The following PTGFRN variants were observed in gnomAD, a reference collection of about 807,000 sequenced individuals.
PTGFRN encodes the protein prostaglandin F2 receptor inhibitor, also known as prostaglandin F2 receptor negative regulator.
In PTGFRN, 35 loss-of-function variants were observed where a neutral mutation model predicts 83.2. The ratio of observed to expected loss-of-function variants is 0.42; its 90% CI spans 0.32 to 0.56. The LOEUF is 0.56. Ranked by LOEUF, PTGFRN falls within the 20% of genes least tolerant of loss-of-function variation. The pLI is 0.11. For synonymous variants in PTGFRN, 519 were observed against 498.6 expected (o/e 1.04, Z -0.55); for missense variants, 1,051 against 1,179.5 (o/e 0.89, Z 1.60).
chr1:116,939,756 C>T (rs900240731), intron 1 of PTGFRN, among the ~76,000 whole-genome samples: 4 of 152,198 alleles, frequency 2.6e-5, no homozygotes, highest in African/African-American at 9.7e-5. Context: ...TGCTCTGCTT[C>T]CCTTATAAAA....
At position 116,944,883 on chromosome 1, in the gene PTGFRN, G is replaced by C; in HGVS notation, c.623G>C (p.Gly208Ala). Residue 208 changes from glycine to alanine, a missense_variant, in exon 3 of 9, where the codon GGC becomes GCC. Gly to Ala is a moderately conservative substitution (Grantham distance 60). Coordinates refer to ENST00000393203, the MANE Select transcript of PTGFRN (RefSeq NM_020440.4). ...ACCCACGAGGGCAGGTTCCACCCGG[G>C]CCTGGGGTACGAGCAGCGCTACCAC... Reference protein sequence around the residue: ...ALTHEGRFHPGLGYEQRYHSG... With the variant: ...ALTHEGRFHPALGYEQRYHSG... 6.2e-7 allele frequency: 1 copy of C among 1,609,874 alleles called. No homozygotes were observed. The highest frequency in any genetic ancestry group is 8.5e-7 in the Non-Finnish European group (1 of 1,179,128).
Position 116,967,337 on chromosome 1 carries a change from A to C in PTGFRN, c.2059+7A>C. The C allele has an allele frequency of 6.2e-7, 1 of 1,604,266 alleles. No homozygotes were observed. The highest frequency in any genetic ancestry group is 1.3e-5 in the African/African-American group (1 of 74,794). Reference sequence around the variant, plus strand: ...ATAGACTTCCAAACCTCAGGTGAGCAGTGAGCCCTGTTGAATCATAGGTGG... The same window carrying C: ...ATAGACTTCCAAACCTCAGGTGAGCCGTGAGCCCTGTTGAATCATAGGTGG... On this transcript the variant is annotated splice_region_variant and intron_variant, in intron 6 of 8. Coordinates refer to ENST00000393203, the MANE Select transcript of PTGFRN (RefSeq NM_020440.4).
At chr1:116,947,732 C>T (rs1486485936) in intron 3 of PTGFRN, among the ~76,000 whole-genome samples, 1 of 152,176 alleles carries the variant, frequency 6.6e-6, no homozygotes, top group African/African-American at 2.4e-5. Context: ...GGTTTCTGGC[C>T]ACAAGCTTTG....
rs1290134165 is a variant in PTGFRN, at chr1:116,966,980, C to T, written c.1709C>T (p.Thr570Ile). 2 of 1,613,796 alleles carry T rather than the reference C, an allele frequency of 1.2e-6. No homozygotes were observed. The highest frequency in any genetic ancestry group is 2.7e-5 in the African/African-American group (2 of 74,918). ...FFAAGNTFEMTCKVSSKNIKS... is the reference protein window; with the variant it reads ...FFAAGNTFEMICKVSSKNIKS... ...GCTGCCGGAAATACATTTGAGATGA[C>T]TTGCAAAGTATCTTCCAAGAATATT... is the stretch of plus-strand genomic sequence containing the variant. The change falls in exon 6 of 9, where the codon ACT becomes ATT. Residue 570 changes from threonine (T) to isoleucine (I), a missense_variant. Thr to Ile is a moderately conservative substitution (Grantham distance 89). Coordinates refer to ENST00000393203, the MANE Select transcript of PTGFRN (RefSeq NM_020440.4).
intron 1 of PTGFRN, among the ~76,000 whole-genome samples, chr1:116,924,632 T>G (rs1339987487): frequency 6.6e-6 from 1 of 152,208 alleles, no homozygotes; most frequent in Non-Finnish European, 1.5e-5. Context: ...GGTCCCTTGA[T>G]TGACGCTGTG....
intron 4 of PTGFRN, among the ~76,000 whole-genome samples, chr1:116,955,005 G>T (rs949416171): frequency 6.6e-6 from 1 of 152,182 alleles, no homozygotes; most frequent in Non-Finnish European, 1.5e-5. Context: ...GTAAAAGGAG[G>T]TATTTTGTAT....
intron 4 of PTGFRN, among the ~76,000 whole-genome samples, chr1:116,953,669 G>A (rs1161456734): frequency 1.3e-5 from 2 of 151,788 alleles, no homozygotes; most frequent in African/African-American, 4.8e-5. Context: ...GGGCATGGAG[G>A]AGCCCAGCAT....
At chr1:116,945,508 T>C (rs1240453699) in intron 3 of PTGFRN, among the ~76,000 whole-genome samples, 4 of 152,200 alleles carry the variant, frequency 2.6e-5, no homozygotes, top group Non-Finnish European at 5.9e-5. Context: ...CCTGAGTCCT[T>C]TGACGTGCCT....
At chr1:116,926,859 G>A (rs1313304905) in intron 1 of PTGFRN, among the ~76,000 whole-genome samples, 1 of 152,166 alleles carries the variant, frequency 6.6e-6, no homozygotes, top group Non-Finnish European at 1.5e-5. Context: ...AGTTGGAGAA[G>A]TGAAGGCCTA....
intron 7 of PTGFRN, among the ~76,000 whole-genome samples, chr1:116,980,380 T>C (rs186509557): frequency 6.6e-6 from 1 of 152,322 alleles, no homozygotes; most frequent in East Asian, 1.9e-4. Flanking sequence ...GGATTATAAA[T>C]AAATCTGCTA....
chr1:116,913,395 C>G (rs1011332910), intron 1 of PTGFRN, among the ~76,000 whole-genome samples: 1 of 132,804 alleles, frequency 7.5e-6, no homozygotes, highest in Non-Finnish European at 1.5e-5. Context: ...TTCCCTGTAG[C>G]TGGAGCTGGG....
At position 116,989,120 on chromosome 1, in the gene PTGFRN, T is replaced by C. The variant is rs1458413298; in HGVS notation, c.*2153T>C. On this transcript the variant is annotated 3_prime_UTR_variant, in exon 9 of 9. Coordinates refer to ENST00000393203, the MANE Select transcript of PTGFRN (RefSeq NM_020440.4). ...TTAGTAGGAAGAAAGGGTGCTTAGC[T>C]TTGGACCTGACCGGGTGTGTGTAAA... The C allele has an allele frequency of 2.0e-5, 3 of 152,248 alleles. No homozygotes were observed. Among genetic ancestry groups the C allele is most frequent in the Non-Finnish European group, 4.4e-5 (3 of 68,058 alleles). 9.4% of individuals were successfully genotyped at this position (152,248 alleles called of 1,614,324 possible).
At chr1:116,935,271 T>G (rs1399802860) in intron 1 of PTGFRN, among the ~76,000 whole-genome samples, 2 of 152,224 alleles carry the variant, frequency 1.3e-5, no homozygotes, top group Non-Finnish European at 2.9e-5. Context: ...CCCCACAAGG[T>G]GCTGGAAGCT....
In PTGFRN at chr1:116,941,956, T is replaced by C. The variant is rs749091515; in HGVS notation, c.291T>C (p.Thr97=). The C allele has an allele frequency of 7.4e-6, 12 of 1,614,200 alleles. No homozygotes were observed. The South Asian group carries it at 1.2e-4, about 16-fold the overall frequency. ...LQRGEILLRR[T]ANDAVELHIK... is the part of the protein sequence containing the mutation. ...GGGGCGAGATCCTGTTAAGGCGGAC[T>C]GCCAACGACGCCGTGGAGCTCCACA... is the stretch of plus-strand genomic sequence containing the variant. Residue 97 remains threonine (T), a synonymous_variant, in exon 2 of 9, where the codon ACT becomes ACC. Transcript: ENST00000393203. The surrounding 1 kb of genome is among the most constrained non-coding windows in gnomAD (Gnocchi z 5.0).
intron 4 of PTGFRN, among the ~76,000 whole-genome samples, chr1:116,951,585 A>C (rs1482698266): frequency 6.6e-6 from 1 of 152,190 alleles, no homozygotes; most frequent in Admixed American, 6.5e-5. Context: ...GTAATGTTCA[A>C]CTCCTAGGAT....
intron 2 of PTGFRN, 83 bp from the exon 3 acceptor site, chr1:116,944,596 G>A: frequency 7.8e-7 from 1 of 1,275,032 alleles, no homozygotes; most frequent in Non-Finnish European, 1.0e-6. Flanking sequence ...GGAGGAAATT[G>A]TCTGTGGTTG....
intron 7 of PTGFRN, among the ~76,000 whole-genome samples, chr1:116,978,203 A>T (rs1303960217): frequency 6.6e-6 from 1 of 152,202 alleles, no homozygotes; most frequent in Non-Finnish European, 1.5e-5. Flanking sequence ...TAGACCAATA[A>T]CAGGCTCTGA....
chr1:116,958,199 G>A lies in PTGFRN; in HGVS notation c.1214-3044G>A, dbSNP rs1650551806. 6.6e-6 allele frequency among the ~76,000 whole-genome samples: 1 copy of A among 152,158 alleles called. No homozygotes were observed. The highest frequency in any genetic ancestry group is 6.5e-5 in the Admixed American group (1 of 15,282). On this transcript the variant is annotated intron_variant, in intron 4 of 8. Transcript: ENST00000393203. The surrounding 1 kb of genome is among the most constrained non-coding windows in gnomAD (Gnocchi z 4.9). ...CTGTCACCTGTGAGGAGACAGAAGA[G>A]GAGTCCCCACAGGCAACTTCATGGT...
chr1:116,972,396 A>G (rs1419007034), intron 6 of PTGFRN, among the ~76,000 whole-genome samples: 1 of 152,216 alleles, frequency 6.6e-6, no homozygotes, highest in Non-Finnish European at 1.5e-5. Context: ...TCAATATTCT[A>G]TAACCATCCT....
Sources: gnomAD v4.1 joint callset for allele counts (sites outside exome capture counted in the v4.1 genomes callset) on GRCh38, gnomAD v4.1.1 for gene constraint, Gnocchi (gnomAD v3.1) non-coding constraint, MANE v1.5 for transcripts, NCBI Gene and HGNC (gene_info 2026-07-23, HGNC 2026-07-21) for gene names.